Variants in FER observed in about 807,000 individuals in gnomAD.
FER encodes tyrosine-protein kinase Fer.
A neutral mutation model predicts 111.0 loss-of-function variants in FER; 63 were observed. That is an observed-to-expected ratio of 0.57 (90% CI 0.46 to 0.70). The LOEUF (loss-of-function observed/expected upper bound fraction) is 0.70. Ranked by LOEUF, FER falls within the 30% of genes least tolerant of loss-of-function variation. The pLI is 0.00. For synonymous variants in FER, 327 were observed against 313.9 expected, an observed-to-expected ratio of 1.04 and a Z score of -0.44; for missense variants, 914 against 954.0, an observed-to-expected ratio of 0.96 and a Z score of 0.55.
At chr5:108,879,125 G>A (rs185809754) in intron 8 of FER, among the ~76,000 whole-genome samples, 251 of 152,040 alleles carry the variant, frequency 1.7e-3, no homozygotes, top group Admixed American at 3.8e-3. Context: ...ATGTCATTTT[G>A]TGATTTTTTT....
chr5:109,033,073 G>A (rs1317846783), intron 13 of FER, among the ~76,000 whole-genome samples: 1 of 152,104 alleles, frequency 6.6e-6, no homozygotes, highest in Admixed American at 6.6e-5. Context: ...CATTCCTATT[G>A]TAATACATCT....
chr5:109,074,189 A>G (rs974650834), intron 16 of FER, among the ~76,000 whole-genome samples: 14 of 152,180 alleles, frequency 9.2e-5, no homozygotes, highest in African/African-American at 3.4e-4. Flanking sequence ...ATAGTTCTTT[A>G]AAATATTATT....
chr5:108,930,705 C>G (rs1476577979), intron 10 of FER, among the ~76,000 whole-genome samples: 2 of 146,808 alleles, frequency 1.4e-5, no homozygotes, highest in Non-Finnish European at 3.0e-5. Context: ...CCTCTGTCTC[C>G]TGAGTTCAAA....
rs1671699060 is a variant in FER at position 108,972,129 on chromosome 5, C to G, written c.1656+12782C>G. Among the ~76,000 whole-genome samples, 5 of 151,498 alleles carry G rather than the reference C, an allele frequency of 3.3e-5. No homozygotes were observed. In the South Asian group the frequency reaches 1.0e-3, roughly 32 times the overall value. On this transcript the variant is annotated intron_variant, in intron 13 of 19. Coordinates refer to ENST00000281092, the MANE Select transcript of FER (RefSeq NM_005246.4). ...GGACACATTTGATATTCTATAAACCCCAAAAGAACAGAGGAACTCTGATAC... is the reference window on the plus strand; with the variant it reads ...GGACACATTTGATATTCTATAAACCGCAAAAGAACAGAGGAACTCTGATAC...
intron 17 of FER, among the ~76,000 whole-genome samples, chr5:109,162,143 T>C (rs903497867): frequency 1.2e-4 from 19 of 152,094 alleles, no homozygotes; most frequent in Non-Finnish European, 1.6e-4. Flanking sequence ...AAAATATGTA[T>C]GTACTTTTTC....
At chr5:108,880,130 ACTGT>A (rs1402878921) in intron 8 of FER, among the ~76,000 whole-genome samples, 10 of 152,224 alleles carry the variant, frequency 6.6e-5, no homozygotes, top group South Asian at 4.1e-4. Context: ...TGTCTAGCAG[ACTGT>A]CTGACACAAG....
intron 5 of FER, among the ~76,000 whole-genome samples, chr5:108,863,420 A>G (rs749638967): frequency 6.6e-6 from 1 of 152,172 alleles, no homozygotes; most frequent in South Asian, 2.1e-4. Context: ...CACCCAGGCA[A>G]TTGCATTGAC....
intron 14 of FER, among the ~76,000 whole-genome samples, chr5:109,038,365 AG>A (rs1369767659): frequency 6.6e-6 from 1 of 151,922 alleles, no homozygotes; most frequent in Admixed American, 6.6e-5. Flanking sequence ...AACTTAATTA[AG>A]GCTCAGCATT....
intron 15 of FER, 162 bp downstream of exon 15, chr5:109,044,957 C>T (rs1476488229): frequency 8.9e-6 from 4 of 451,018 alleles, no homozygotes; most frequent in Middle Eastern, 6.3e-4. Flanking sequence ...TTCTGCAGAT[C>T]AATTCAGCAA....
chr5:109,173,753 A>ACCC (rs1253010051), intron 17 of FER, among the ~76,000 whole-genome samples: 1 of 105,698 alleles, frequency 9.5e-6, no homozygotes, highest in African/African-American at 4.6e-5. Flanking sequence ...TATAATATGT[A>ACCC]CCTCCCCCCC....
intron 16 of FER, among the ~76,000 whole-genome samples, chr5:109,052,644 C>T (rs909781747): frequency 1.3e-5 from 2 of 152,186 alleles, no homozygotes; most frequent in Non-Finnish European, 2.9e-5. Context: ...AGTGCTGATA[C>T]CTCGTAAAAG....
At chr5:108,986,178 C>T (rs1292854149) in intron 13 of FER, among the ~76,000 whole-genome samples, 1 of 152,106 alleles carries the variant, frequency 6.6e-6, no homozygotes, top group African/African-American at 2.4e-5. Context: ...TTGCATTTCC[C>T]TAATCATTAA....
intron 6 of FER, among the ~76,000 whole-genome samples, chr5:108,871,012 G>T (rs1764545761): frequency 6.6e-6 from 1 of 152,072 alleles, no homozygotes; most frequent in South Asian, 2.1e-4. Flanking sequence ...AGAGTCAGGA[G>T]TTGATCAGAG....
intron 16 of FER, among the ~76,000 whole-genome samples, chr5:109,095,106 T>A (rs1267500117): frequency 3.3e-5 from 5 of 152,134 alleles, no homozygotes; most frequent in Admixed American, 2.0e-4. Flanking sequence ...TTCGTGCTAT[T>A]CTAGTGTTAG....
chr5:109,105,147 A>T (rs1435303278), intron 17 of FER, among the ~76,000 whole-genome samples: 1 of 151,784 alleles, frequency 6.6e-6, no homozygotes, highest in African/African-American at 2.4e-5. Flanking sequence ...TCTAGAAGAG[A>T]TTGCCTTGTC....
Position 109,187,625 on chromosome 5 carries a change from G to A in FER, c.*50G>A. On this transcript the variant is annotated 3_prime_UTR_variant, in exon 20 of 20. Transcript: ENST00000281092. Reference sequence around the variant, plus strand: ...CTTCAGGACTCTGTCCTCCAGCAGAGTAACATTATTGTTCTCATTAACAAT... The same window carrying A: ...CTTCAGGACTCTGTCCTCCAGCAGAATAACATTATTGTTCTCATTAACAAT... 1 of 1,602,238 alleles carries A rather than the reference G, an allele frequency of 6.2e-7. No individual in the cohort carries two copies. The highest frequency in any genetic ancestry group is 8.5e-7 in the Non-Finnish European group (1 of 1,172,078).
chr5:109,070,001 T>C (rs988323624), intron 16 of FER, among the ~76,000 whole-genome samples: 24 of 152,126 alleles, frequency 1.6e-4, no homozygotes, highest in African/African-American at 5.8e-4. Context: ...TTATAACTTT[T>C]TACAGTAGCA....
intron 19 of FER, 127 bp downstream of exon 19, chr5:109,186,449 G>A: frequency 7.3e-7 from 1 of 1,371,390 alleles, no homozygotes; most frequent in Non-Finnish European, 1.0e-6. Flanking sequence ...CATCTCTGGG[G>A]TTCAGAAGCA....
At chr5:108,774,719 C>T (rs139092008) in intron 2 of FER, among the ~76,000 whole-genome samples, 25 of 151,478 alleles carry the variant, frequency 1.7e-4, no homozygotes, top group African/African-American at 5.1e-4. Context: ...CTGTTCATAT[C>T]CTTTGCCCAC....
Sources: allele counts gnomAD v4.1 joint callset (sites outside exome capture counted in the v4.1 genomes callset), GRCh38; gene constraint gnomAD v4.1.1; transcripts MANE v1.5; gene names NCBI Gene and HGNC (gene_info 2026-07-23, HGNC 2026-07-21).